Variants in GABRA3 observed in about 807,000 individuals in gnomAD.
GABRA3 encodes the protein gamma-aminobutyric acid receptor subunit alpha-3.
GABRA3 carries 10 observed loss-of-function variants against 30.1 expected under a neutral mutation model. That is an observed-to-expected ratio of 0.33 (90% CI 0.20 to 0.56). The LOEUF (loss-of-function observed/expected upper bound fraction) is 0.56. Among genes scored for constraint, GABRA3 ranks in the 20% least tolerant of loss-of-function variants. The pLI is 0.89. For synonymous variants in GABRA3, 151 were observed against 146.8 expected, an observed-to-expected ratio of 1.03 and a Z score of -0.21; for missense variants, 233 against 392.0, an observed-to-expected ratio of 0.59 and a Z score of 3.42.
chrX:152,223,074 A>G (rs1464176948), intron 6 of GABRA3, among the ~76,000 whole-genome samples: 1 of 111,579 alleles, frequency 9.0e-6, no homozygotes, highest in Non-Finnish European at 1.9e-5. Flanking sequence ...GTTTCTTCTC[A>G]TCCACCAGTA....
chrX:152,174,029 G>C (rs1937039169), intron 9 of GABRA3, among the ~76,000 whole-genome samples: 1 of 110,361 alleles, frequency 9.1e-6, no homozygotes, highest in Non-Finnish European at 1.9e-5. Flanking sequence ...CTATGAGTGA[G>C]AACATGCGGT....
chrX:152,335,736 T>C (rs1210015069), intron 3 of GABRA3, among the ~76,000 whole-genome samples: 2 of 111,743 alleles, frequency 1.8e-5, no homozygotes, highest in Admixed American at 1.9e-4. Flanking sequence ...ATTCTTTTTT[T>C]TCAGAGACTG....
chrX:152,285,610 A>G (rs1939278573), intron 3 of GABRA3, among the ~76,000 whole-genome samples: 1 of 111,522 alleles, frequency 9.0e-6, no homozygotes, highest in Admixed American at 9.6e-5. Context: ...TAGTCCATTC[A>G]GGCTGTTACA....
At chrX:152,285,471 T>C (rs1055709586) in intron 3 of GABRA3, among the ~76,000 whole-genome samples, 2 of 111,700 alleles carry the variant, frequency 1.8e-5, no homozygotes, top group African/African-American at 6.5e-5. Flanking sequence ...TTGTCAATCT[T>C]CCCACCTAAC....
chrX:152,318,651 G>A (rs747617223), intron 3 of GABRA3, among the ~76,000 whole-genome samples: 11 of 111,868 alleles, frequency 9.8e-5, no homozygotes, highest in Non-Finnish European at 1.7e-4. Flanking sequence ...TTCATACCAG[G>A]GATGCAGGGA....
At chrX:152,317,900 C>T (rs756505561) in intron 3 of GABRA3, among the ~76,000 whole-genome samples, 1 of 111,111 alleles carries the variant, frequency 9.0e-6, no homozygotes, top group Non-Finnish European at 1.9e-5. Context: ...AAAGGTCACA[C>T]CTCAAGGATC....
chrX:152,225,387 A>G (rs1937923176), intron 5 of GABRA3, among the ~76,000 whole-genome samples: 1 of 98,639 alleles, frequency 1.0e-5, no homozygotes, highest in African/African-American at 3.8e-5. Flanking sequence ...ACACACACAC[A>G]CATACACCAC....
At chrX:152,225,684 T>A (rs1394043126) in intron 5 of GABRA3, among the ~76,000 whole-genome samples, 6 of 110,174 alleles carry the variant, frequency 5.4e-5, no homozygotes, top group Middle Eastern at 4.6e-3. Context: ...TCTGATTTTT[T>A]TTTTTTTATT....
chrX:152,436,582 T>C (rs1274185459), intron 1 of GABRA3, among the ~76,000 whole-genome samples: 1 of 111,959 alleles, frequency 8.9e-6, no homozygotes, highest in Non-Finnish European at 1.9e-5. Context: ...GATCCATCCA[T>C]ACACAGTCAG....
chrX:152,320,190 C>A (rs1939940624), intron 3 of GABRA3, among the ~76,000 whole-genome samples: 1 of 111,531 alleles, frequency 9.0e-6, no homozygotes, highest in African/African-American at 3.3e-5. Flanking sequence ...AAAAGTAGAA[C>A]TACCATTTTA....
intron 2 of GABRA3, among the ~76,000 whole-genome samples, chrX:152,357,533 T>C (rs1445329383): frequency 4.5e-5 from 5 of 111,758 alleles, no homozygotes; most frequent in African/African-American, 1.6e-4. Context: ...TAGACCCTTG[T>C]TGGATGCACA....
At position 152,227,540 on chromosome X, in the gene GABRA3, A is replaced by AAT. The variant is rs574802333; in HGVS notation, c.552-2697_552-2696dup. 2.1e-3 allele frequency among the ~76,000 whole-genome samples: 224 copies of AAT among 105,969 alleles called. 1 individual carries two copies. Among genetic ancestry groups the AAT allele is most frequent in the African/African-American group, 6.5e-3 (191 of 29,283 alleles). The allele number at this position is 105,969 out of a possible 115,157, so 92.0% of individuals were successfully genotyped here. On this transcript the variant is annotated intron_variant, in intron 5 of 9. Coordinates refer to ENST00000370314, the MANE Select transcript of GABRA3 (RefSeq NM_000808.4). ...TAAAACTTAAAGTATAATGATAATA[A>AAT]ATATATATATATATTAAAAAAAGTT...
At chrX:152,396,195 T>C (rs372503536) in intron 1 of GABRA3, among the ~76,000 whole-genome samples, 1 of 111,336 alleles carries the variant, frequency 9.0e-6, no homozygotes, top group African/African-American at 3.3e-5. Flanking sequence ...AAGTTAGAGA[T>C]TGGAGTGATG....
At chrX:152,277,169 A>G (rs1013192643) in intron 4 of GABRA3, among the ~76,000 whole-genome samples, 1 of 111,089 alleles carries the variant, frequency 9.0e-6, no homozygotes, top group Admixed American at 9.6e-5. Context: ...AGACATAGCT[A>G]CTTTTTCTAG....
chrX:152,202,380 A>T (rs967237226), intron 7 of GABRA3, among the ~76,000 whole-genome samples: 10 of 111,861 alleles, frequency 8.9e-5, no homozygotes, highest in African/African-American at 3.3e-4. Context: ...ATCAATAGGT[A>T]TAAAAGTGTG....
rs1937633427 is a variant in GABRA3 at position 152,211,990 on chromosome X, A to G, written c.635-3846T>C. 3.6e-5 allele frequency among the ~76,000 whole-genome samples: 4 copies of G among 110,238 alleles called. No homozygotes were observed. In the South Asian group the frequency reaches 1.6e-3, roughly 43 times the overall value. On this transcript the variant is annotated intron_variant, in intron 6 of 9. Transcript: ENST00000370314. ...AAGGAAGCTTAATAAATAGCATAAA[A>G]TATCCAAGTTAGTCTGGGTGCAGTG...
chrX:152,306,254 CACG>C (rs1256606658), intron 3 of GABRA3, among the ~76,000 whole-genome samples: 2 of 111,703 alleles, frequency 1.8e-5, no homozygotes, highest in Admixed American at 9.5e-5. Context: ...AGAAAACTAG[CACG>C]ACAATTTTGG....
At position 152,338,949 on chromosome X, in the gene GABRA3, G is replaced by T. The variant is rs181785650; in HGVS notation, c.262+6632C>A. Among the ~76,000 whole-genome samples, 231 of 111,501 alleles carry T rather than the reference G, an allele frequency of 2.1e-3. 1 individual carries two copies. Among genetic ancestry groups the T allele is most frequent in the African/African-American group, 7.1e-3 (219 of 30,714 alleles). ...TTACTACAGTTTCACAGTTGATTTTGAAATCAGGAGTGGGTTACCTCCAGT... is the reference window on the plus strand; with the variant it reads ...TTACTACAGTTTCACAGTTGATTTTTAAATCAGGAGTGGGTTACCTCCAGT... On this transcript the variant is annotated intron_variant, in intron 3 of 9. Transcript: ENST00000370314.
chrX:152,282,702 T>C (rs142278614), intron 4 of GABRA3, among the ~76,000 whole-genome samples: 2,478 of 111,746 alleles, frequency 0.022, 61 homozygotes, highest in African/African-American at 0.076. Flanking sequence ...ACACGCCTGC[T>C]ATGGTGAGGA....
Sources: gnomAD v4.1 joint callset for allele counts (sites outside exome capture counted in the v4.1 genomes callset) on GRCh38, gnomAD v4.1.1 for gene constraint, MANE v1.5 for transcripts, NCBI Gene and HGNC (gene_info 2026-07-23, HGNC 2026-07-21) for gene names.